AGPAT3: variants seen among roughly 807,000 people sequenced by gnomAD.
AGPAT3 encodes the protein 1-acyl-sn-glycerol-3-phosphate acyltransferase gamma.
A neutral mutation model predicts 47.3 loss-of-function variants in AGPAT3; 5 were observed. The observed-to-expected ratio is 0.11, with a 90% CI of 0.06 to 0.22. The LOEUF is 0.22. Among genes scored for constraint, AGPAT3 ranks in the 10% least tolerant of loss-of-function variants. The pLI is 1.00. For missense variants in AGPAT3, 315 were observed against 493.0 expected, an observed-to-expected ratio of 0.64 and a Z score of 3.42; for synonymous variants, 212 against 208.3, an observed-to-expected ratio of 1.02 and a Z score of -0.15.
Position 43,978,079 on chromosome 21 carries a change from A to G in AGPAT3, c.801A>G (p.Glu267=), listed in dbSNP as rs759869743. ...CTCTGGAAGACATCCCGCTGGATGAAAAGGAAGCAGCTCAGTGGCTTCATA... is the reference window on the plus strand; with the variant it reads ...CTCTGGAAGACATCCCGCTGGATGAGAAGGAAGCAGCTCAGTGGCTTCATA... ...RFPLEDIPLD[E]KEAAQWLHKL... Residue 267 remains glutamate, a synonymous_variant, in exon 8 of 10, where the codon GAA becomes GAG. Transcript: ENST00000291572. 5.0e-6 allele frequency: 8 copies of G among 1,613,712 alleles called. No individual in the cohort carries two copies. The African/African-American group carries it at 8.0e-5, about 16-fold the overall frequency.
At position 43,985,165 on chromosome 21, in the gene AGPAT3, G is replaced by C; in HGVS notation, c.*2773G>C. On this transcript the variant is annotated 3_prime_UTR_variant, in exon 10 of 10. Coordinates refer to ENST00000291572, the MANE Select transcript of AGPAT3 (RefSeq NM_020132.5). ...CCTCCCAGCTTAGGCCCAGGTGCCA[G>C]GTGTCATGGGGTCTCCTGCCCATCT... is the stretch of plus-strand genomic sequence containing the variant. The C allele has an allele frequency of 2.2e-6, 1 of 456,318 alleles. No homozygotes were observed. The highest frequency in any genetic ancestry group is 2.3e-5 in the Admixed American group (1 of 42,580). The allele number at this position is 456,318 out of a possible 1,614,324, so 28.3% of individuals were successfully genotyped here.
chr21:43,891,462 T>G (rs1191998322), intron 1 of AGPAT3, among the ~76,000 whole-genome samples: 1 of 152,112 alleles, frequency 6.6e-6, no homozygotes, highest in African/African-American at 2.4e-5. Context: ...TGAAACCCTG[T>G]CTCTACTAAA....
chr21:43,895,578 CAATT>C (rs1410682488), intron 1 of AGPAT3, among the ~76,000 whole-genome samples: 1 of 139,768 alleles, frequency 7.2e-6, no homozygotes, highest in Non-Finnish European at 1.5e-5. Flanking sequence ...AATTTTTTGA[CAATT>C]GATCACTTTT....
At chr21:43,866,596 A>G (rs2085512579) in intron 1 of AGPAT3, 1 of 151,606 alleles carries the variant, frequency 6.6e-6, no homozygotes, top group African/African-American at 2.4e-5. Context: ...CTTTCCAACC[A>G]ATCCTCCTCC....
chr21:43,908,066 C>T lies in AGPAT3; in HGVS notation c.-49+4047C>T, dbSNP rs1042594529. ...CGCTGGCTCAGGCACCCCAGGGACG[C>T]TTTCTCTTTCCGTGTGCTGGAAGAC... is the stretch of plus-strand genomic sequence containing the variant. On this transcript the variant is annotated intron_variant, in intron 2 of 9. Coordinates refer to ENST00000291572, the MANE Select transcript of AGPAT3 (RefSeq NM_020132.5). This position sits in a 1 kb window ranked among gnomAD's most constrained non-coding sequence, Gnocchi z 4.9. Among the ~76,000 whole-genome samples the T allele has an allele frequency of 4.6e-5, 7 of 152,190 alleles. No individual in the cohort carries two copies. The highest frequency in any genetic ancestry group is 8.8e-5 in the Non-Finnish European group (6 of 68,038).
At chr21:43,967,719 C>G in intron 3 of AGPAT3, 1 of 525,224 alleles carries the variant, frequency 1.9e-6, no homozygotes, top group Non-Finnish European at 3.4e-6. Flanking sequence ...TGCAGAGTGG[C>G]GGTTCTCTCC....
chr21:43,972,102 G>A (rs1176890332), intron 7 of AGPAT3, among the ~76,000 whole-genome samples: 9 of 152,172 alleles, frequency 5.9e-5, no homozygotes, highest in Non-Finnish European at 1.3e-4. Context: ...AGGGACCGCA[G>A]TGTCTGAAGG....
At position 43,985,268 on chromosome 21, in the gene AGPAT3, C is replaced by T. The variant is rs1477980302; in HGVS notation, c.*2876C>T. ...TTGTCTGGTACTCGGCGACAGTGTA[C>T]CAGACGCGCACCCTATGTGAGGTGC... On this transcript the variant is annotated 3_prime_UTR_variant, in exon 10 of 10. Coordinates refer to ENST00000291572, the MANE Select transcript of AGPAT3 (RefSeq NM_020132.5). 2.2e-6 allele frequency: 1 copy of T among 455,854 alleles called. No individual in the cohort carries two copies. Among genetic ancestry groups the T allele is most frequent in the Non-Finnish European group, 4.4e-6 (1 of 226,722 alleles). 28.2% of individuals were successfully genotyped at this position (455,854 alleles called of 1,614,324 possible).
At position 43,952,813 on chromosome 21, in the gene AGPAT3, T is replaced by TCCCAGC. The variant is rs965573725; in HGVS notation, c.-48-6809_-48-6804dup. ...GACTGGAGAGGCCCACTGTCACACC[T>TCCCAGC]CCCAGCCCCAGCCCCAGAAATCAGA... On this transcript the variant is annotated intron_variant, in intron 2 of 9. Transcript: ENST00000291572. This position sits in a 1 kb window ranked among gnomAD's most constrained non-coding sequence, Gnocchi z 5.6. Among the ~76,000 whole-genome samples the TCCCAGC allele has an allele frequency of 9.2e-5, 14 of 151,942 alleles. No individual in the cohort carries two copies. The South Asian group carries it at 1.7e-3, about 18-fold the overall frequency.
At position 43,889,286 on chromosome 21, in the gene AGPAT3, G is replaced by GTT. The variant is rs5844169; in HGVS notation, c.-111-14657_-111-14656dup. ...CTGCTAAGTGAAGTGGTTGTTGTGG[G>GTT]TTTTTTTTTTTTTTTAATGTTTTTT... On this transcript the variant is annotated intron_variant, in intron 1 of 9. Transcript: ENST00000291572. Among the ~76,000 whole-genome samples, 352 of 139,806 alleles carry GTT rather than the reference G, an allele frequency of 2.5e-3. 3 individuals carry two copies. The highest frequency in any genetic ancestry group is 3.6e-3 in the Middle Eastern group (1 of 274). The allele number at this position is 139,806 out of a possible 152,430, so 91.7% of individuals were successfully genotyped here. A position where few individuals can be genotyped will look rare whatever the true frequency, so the allele number is the denominator to read the frequency against.
intron 1 of AGPAT3, among the ~76,000 whole-genome samples, chr21:43,889,172 G>T (rs2086047592): frequency 6.6e-6 from 1 of 151,962 alleles, no homozygotes; most frequent in South Asian, 2.1e-4. Context: ...GTCGTCCTGT[G>T]CTGGCATCTC....
chr21:43,970,101 C>T lies in AGPAT3; in HGVS notation c.511-552C>T, dbSNP rs187301922. 5.3e-5 allele frequency among the ~76,000 whole-genome samples: 8 copies of T among 152,020 alleles called. No individual in the cohort carries two copies. The highest frequency in any genetic ancestry group is 4.2e-4 in the South Asian group (2 of 4,810). On this transcript the variant is annotated intron_variant, in intron 5 of 9. Coordinates refer to ENST00000291572, the MANE Select transcript of AGPAT3 (RefSeq NM_020132.5). The surrounding 1 kb of genome is among the most constrained non-coding windows in gnomAD (Gnocchi z 5.8). The stretch of plus-strand genomic sequence containing the variant: ...TCAGCTCACTGCAACCTCTGCCTCC[C>T]GGGTTCCAGCAGTTCTCCTCTCTCA...
At chr21:43,871,774 A>G (rs576951969) in intron 1 of AGPAT3, among the ~76,000 whole-genome samples, 1 of 152,186 alleles carries the variant, frequency 6.6e-6, no homozygotes, top group African/African-American at 2.4e-5. Context: ...TAGTTTCCAT[A>G]TTATATATTT....
chr21:43,926,636 C>CTTT (rs557494803), intron 2 of AGPAT3, among the ~76,000 whole-genome samples: 2 of 86,538 alleles, frequency 2.3e-5, no homozygotes, highest in Non-Finnish European at 4.2e-5. Context: ...CTACGCTGGC[C>CTTT]TTTTTTTTTT....
At chr21:43,944,929 C>G (rs538125889) in intron 2 of AGPAT3, among the ~76,000 whole-genome samples, 5 of 152,228 alleles carry the variant, frequency 3.3e-5, no homozygotes, top group Non-Finnish European at 5.9e-5. Context: ...CTCCCCAGCC[C>G]GCCTGGAGAC....
rs1477177348 is a variant in AGPAT3 at position 43,986,632 on chromosome 21, T to G, written c.*4240T>G. 5 of 152,654 alleles carry G rather than the reference T, an allele frequency of 3.3e-5. No homozygotes were observed. The highest frequency in any genetic ancestry group is 1.2e-4 in the African/African-American group (5 of 41,454). 9.5% of individuals were successfully genotyped at this position (152,654 alleles called of 1,614,324 possible). ...TAAATGCCAGGAAATTCAACTGGCC[T>G]TTTAATCAGCAAGATCGCCAGCAAG... On this transcript the variant is annotated 3_prime_UTR_variant, in exon 10 of 10. Transcript: ENST00000291572.
At chr21:43,889,853 T>A (rs1208410641) in intron 1 of AGPAT3, among the ~76,000 whole-genome samples, 1 of 152,242 alleles carries the variant, frequency 6.6e-6, no homozygotes, top group African/African-American at 2.4e-5. Context: ...TAGACGGGTC[T>A]GCTTCGACGT....
At position 43,932,627 on chromosome 21, in the gene AGPAT3, A is replaced by T. The variant is rs1272008903; in HGVS notation, c.-48-27007A>T. On this transcript the variant is annotated intron_variant, in intron 2 of 9. Coordinates refer to ENST00000291572, the MANE Select transcript of AGPAT3 (RefSeq NM_020132.5). This position sits in a 1 kb window ranked among gnomAD's most constrained non-coding sequence, Gnocchi z 5.2. ...CAGTTCCTTTAGATACATACCCAGAAGTGGGATTGCCGGACCTTATGGTAG... is the reference window on the plus strand; with the variant it reads ...CAGTTCCTTTAGATACATACCCAGATGTGGGATTGCCGGACCTTATGGTAG... 1.3e-5 allele frequency among the ~76,000 whole-genome samples: 2 copies of T among 152,080 alleles called. No individual in the cohort carries two copies. Among genetic ancestry groups the T allele is most frequent in the Non-Finnish European group, 2.9e-5 (2 of 68,014 alleles).
At chr21:43,971,677 G>T (rs539788341) in intron 7 of AGPAT3, among the ~76,000 whole-genome samples, 187 bp downstream of exon 7, 1 of 152,202 alleles carries the variant, frequency 6.6e-6, no homozygotes, top group Admixed American at 6.5e-5. Flanking sequence ...TGCAGGACTC[G>T]TCCGGGGCTT....
Sources: gnomAD v4.1 joint callset for allele counts (sites outside exome capture counted in the v4.1 genomes callset) on GRCh38, gnomAD v4.1.1 for gene constraint, Gnocchi (gnomAD v3.1) non-coding constraint, MANE v1.5 for transcripts, NCBI Gene and HGNC (gene_info 2026-07-23, HGNC 2026-07-21) for gene names.